The following PLOD2 variants were observed in gnomAD, a reference collection of about 807,000 sequenced individuals.
The protein encoded by PLOD2 is lysine hydroxylase 2.
Under a neutral mutation model 101.0 loss-of-function variants are expected in PLOD2, and 65 were observed. That is an observed-to-expected ratio of 0.64 (90% CI 0.53 to 0.79). PLOD2 has a LOEUF of 0.79. Ranked by LOEUF, PLOD2 falls within the 30% of genes least tolerant of loss-of-function variation. PLOD2 has a pLI of 0.00. For synonymous variants in PLOD2, 314 were observed against 302.9 expected, an observed-to-expected ratio of 1.04 and a Z score of -0.38; for missense variants, 909 against 914.6, an observed-to-expected ratio of 0.99 and a Z score of 0.08.
At chr3:146,093,192 T>C (rs2108032483) in intron 7 of PLOD2, among the ~76,000 whole-genome samples, 1 of 152,300 alleles carries the variant, frequency 6.6e-6, no homozygotes, top group South Asian at 2.1e-4. Flanking sequence ...AATATTCTTA[T>C]TGTACTGAAA....
intron 1 of PLOD2, among the ~76,000 whole-genome samples, chr3:146,132,005 C>T (rs2030940730): frequency 6.6e-6 from 1 of 152,004 alleles, no homozygotes; most frequent in African/African-American, 2.4e-5. Flanking sequence ...AAAAGAGGGG[C>T]AATGGTATGC....
chr3:146,128,880 C>CTTTTTTTTT lies in PLOD2; in HGVS notation c.110-4660_110-4652dup, dbSNP rs3975816. On this transcript the variant is annotated intron_variant, in intron 1 of 19. Coordinates refer to ENST00000282903, the MANE Select transcript of PLOD2 (RefSeq NM_182943.3). ...CAGCTTCTGAAGTCCATCTGAAATC[C>CTTTTTTTTT]TTTTTTTTTTTTTTTTTTTTTTTTT... 7.4e-4 allele frequency among the ~76,000 whole-genome samples: 54 copies of CTTTTTTTTT among 73,232 alleles called. 4 individuals are homozygous for CTTTTTTTTT. Among genetic ancestry groups the CTTTTTTTTT allele is most frequent in the South Asian group, 1.5e-3 (2 of 1,314 alleles). The allele number at this position is 73,232 out of a possible 152,430, so 48.0% of individuals were successfully genotyped here. A position where few individuals can be genotyped will look rare whatever the true frequency, so the allele number is the denominator to read the frequency against.
chr3:146,112,669 A>T (rs1481845356), intron 3 of PLOD2, among the ~76,000 whole-genome samples: 1 of 151,980 alleles, frequency 6.6e-6, no homozygotes, highest in African/African-American at 2.4e-5. Flanking sequence ...TGGCCAACAT[A>T]GTGAAAACCC....
intron 4 of PLOD2, among the ~76,000 whole-genome samples, chr3:146,107,698 A>C (rs1937561462): frequency 1.6e-5 from 2 of 126,370 alleles, no homozygotes; most frequent in Non-Finnish European, 3.1e-5. Flanking sequence ...GTGCAAAGGC[A>C]CAATCTTGGC....
chr3:146,123,721 T>TTA (rs368663721), intron 2 of PLOD2, among the ~76,000 whole-genome samples: 3,694 of 150,276 alleles, frequency 0.025, 143 homozygotes, highest in African/African-American at 0.084. Context: ...CAGAAAGAAA[T>TTA]TATATATATA....
chr3:146,124,389 C>G (rs1206471314), intron 1 of PLOD2, among the ~76,000 whole-genome samples, 160 bp from the exon 2 acceptor site: 7 of 152,210 alleles, frequency 4.6e-5, no homozygotes, highest in African/African-American at 1.7e-4. Flanking sequence ...AAATAGATGA[C>G]TCAAATTGGT....
intron 15 of PLOD2, chr3:146,076,229 G>C (rs954978039): frequency 6.6e-6 from 1 of 151,738 alleles, no homozygotes; most frequent in Non-Finnish European, 1.5e-5. Context: ...AATTCACTTA[G>C]GGTAATGGCC....
chr3:146,154,044 C>T (rs1406732228), intron 1 of PLOD2, among the ~76,000 whole-genome samples: 1 of 151,958 alleles, frequency 6.6e-6, no homozygotes, highest in African/African-American at 2.4e-5. Flanking sequence ...ATAATAAAAG[C>T]AATATTAAAA....
At chr3:146,116,960 T>C (rs1457805810) in intron 3 of PLOD2, among the ~76,000 whole-genome samples, 1 of 152,126 alleles carries the variant, frequency 6.6e-6, no homozygotes, top group African/African-American at 2.4e-5. Context: ...GCGACAAAAT[T>C]GTTTCTAAAT....
At chr3:146,147,802 G>C (rs2031856618) in intron 1 of PLOD2, among the ~76,000 whole-genome samples, 1 of 152,026 alleles carries the variant, frequency 6.6e-6, no homozygotes, top group South Asian at 2.1e-4. Context: ...ACAGAGAGGG[G>C]GCTGCAAACA....
chr3:146,087,291 G>T (rs1299333598), intron 9 of PLOD2, among the ~76,000 whole-genome samples: 2 of 151,862 alleles, frequency 1.3e-5, no homozygotes, highest in Admixed American at 6.6e-5. Flanking sequence ...TTAGATATAT[G>T]TTGTGAAATA....
At chr3:146,102,091 T>C (rs1397860556) in intron 7 of PLOD2, among the ~76,000 whole-genome samples, 1 of 152,200 alleles carries the variant, frequency 6.6e-6, no homozygotes, top group East Asian at 1.9e-4. Flanking sequence ...ATCCCTTTTC[T>C]AGGTACTTAA....
intron 5 of PLOD2, among the ~76,000 whole-genome samples, chr3:146,104,740 C>T (rs548225039): frequency 6.6e-6 from 1 of 152,256 alleles, no homozygotes; most frequent in East Asian, 1.9e-4. Flanking sequence ...AATATTCTCT[C>T]TAGGGTCTAT....
chr3:146,095,135 T>A (rs2108036510), intron 7 of PLOD2, among the ~76,000 whole-genome samples: 2 of 152,160 alleles, frequency 1.3e-5, no homozygotes, highest in South Asian at 4.1e-4. Context: ...ACCTAGGCAA[T>A]ATCATTCAGG....
intron 3 of PLOD2, among the ~76,000 whole-genome samples, chr3:146,111,459 A>G (rs1282573894): frequency 6.6e-6 from 1 of 152,150 alleles, no homozygotes; most frequent in Non-Finnish European, 1.5e-5. Context: ...AAATGGAGGG[A>G]AAAGTAGTAT....
intron 7 of PLOD2, among the ~76,000 whole-genome samples, chr3:146,100,349 A>G (rs886789799): frequency 1.3e-5 from 2 of 152,236 alleles, no homozygotes; most frequent in African/African-American, 4.8e-5. Flanking sequence ...ACAAAAGTAA[A>G]CAAGACAGAT....
intron 1 of PLOD2, among the ~76,000 whole-genome samples, chr3:146,125,300 GTATC>G (rs1477873317): frequency 4.6e-5 from 7 of 152,090 alleles, no homozygotes; most frequent in Admixed American, 4.6e-4. Flanking sequence ...ATGAACCAAT[GTATC>G]TATCTGTCAA....
At chr3:146,117,506 T>A (rs758584873) in intron 3 of PLOD2, among the ~76,000 whole-genome samples, 1 of 152,072 alleles carries the variant, frequency 6.6e-6, no homozygotes, top group African/African-American at 2.4e-5. Context: ...GTAAAAAAAA[T>A]TTCTTATGTG....
intron 5 of PLOD2, chr3:146,105,194 T>C (rs1937515882): frequency 6.6e-6 from 1 of 152,202 alleles, no homozygotes. Context: ...AAAACATATT[T>C]CTTATTTAGA....
Sources: gnomAD v4.1 joint callset for allele counts (sites outside exome capture counted in the v4.1 genomes callset) on GRCh38, gnomAD v4.1.1 for gene constraint, MANE v1.5 for transcripts, NCBI Gene and HGNC (gene_info 2026-07-23, HGNC 2026-07-21) for gene names.